The following ARHGAP12 variants were observed in gnomAD, a reference collection of about 807,000 sequenced individuals.
ARHGAP12 encodes the protein Rho GTPase activating protein 12.
A neutral mutation model predicts 108.6 loss-of-function variants in ARHGAP12; 64 were observed. That is an observed-to-expected ratio of 0.59 (90% CI 0.48 to 0.73). The LOEUF is 0.73. ARHGAP12 is among the 30% of genes least tolerant of loss of function. The probability of loss-of-function intolerance (pLI) is 0.00; values close to 1 mark genes in which losing one functional copy is unlikely to be tolerated. For missense variants in ARHGAP12, 940 were observed against 1,005.9 expected, an observed-to-expected ratio of 0.93 and a Z score of 0.89; for synonymous variants, 312 against 337.2, an observed-to-expected ratio of 0.93 and a Z score of 0.82.
At chr10:31,839,452 AAC>A in intron 8 of ARHGAP12, 133 bp from the exon 9 acceptor site, 1 of 1,109,700 alleles carries the variant, frequency 9.0e-7, no homozygotes, top group Non-Finnish European at 1.2e-6. Context: ...CCATATTTTA[AAC>A]AAAAGGGGGA....
At chr10:31,811,123 T>C (rs1313064532) in intron 15 of ARHGAP12, among the ~76,000 whole-genome samples, 1 of 152,234 alleles carries the variant, frequency 6.6e-6, no homozygotes, top group Non-Finnish European at 1.5e-5. Flanking sequence ...ATTTTATTAC[T>C]GTGTTAGATT....
intron 7 of ARHGAP12, among the ~76,000 whole-genome samples, chr10:31,842,313 C>G (rs1343365771): frequency 6.6e-6 from 1 of 151,934 alleles, no homozygotes. Context: ...TGAATTTTTC[C>G]TATTAGAAAT....
chr10:31,827,127 G>A (rs574034127), intron 10 of ARHGAP12, among the ~76,000 whole-genome samples: 2 of 152,120 alleles, frequency 1.3e-5, no homozygotes, highest in African/African-American at 2.4e-5. Context: ...ACAGAGGTAC[G>A]CCTCACACAG....
chr10:31,877,289 ACT>A (rs1467440515), intron 3 of ARHGAP12, among the ~76,000 whole-genome samples: 3 of 152,238 alleles, frequency 2.0e-5, no homozygotes, highest in Non-Finnish European at 4.4e-5. Context: ...CAGTCTTCAT[ACT>A]CTGTTTTAGT....
chr10:31,839,562 TAA>T (rs1836170325), intron 8 of ARHGAP12, 73 bp downstream of exon 8: 6 of 1,344,652 alleles, frequency 4.5e-6, no homozygotes, highest in African/African-American at 1.5e-5. Context: ...AACATTACAT[TAA>T]GAGTAAATTA....
At chr10:31,809,484 G>T in intron 16 of ARHGAP12, 177 bp from the exon 17 acceptor site, 2 of 588,194 alleles carry the variant, frequency 3.4e-6, no homozygotes, top group South Asian at 2.0e-5. Flanking sequence ...GAGAGATGGA[G>T]ATTCGCTCTG....
intron 11 of ARHGAP12, among the ~76,000 whole-genome samples, chr10:31,823,945 A>G (rs1835505409): frequency 6.6e-6 from 1 of 152,202 alleles, no homozygotes. Flanking sequence ...TTGGTGACTG[A>G]GCAGATCAAC....
chr10:31,832,173 C>T (rs1338537466), intron 9 of ARHGAP12, among the ~76,000 whole-genome samples: 1 of 152,146 alleles, frequency 6.6e-6, no homozygotes, highest in African/African-American at 2.4e-5. Flanking sequence ...ATTTACTTTG[C>T]TGTTATTTTA....
In ARHGAP12 at chr10:31,817,768, T is replaced by C. The variant is rs1835260751; in HGVS notation, c.1731+20A>G. On this transcript the variant is annotated intron_variant, in intron 13 of 19. Coordinates refer to ENST00000344936, the MANE Select transcript of ARHGAP12 (RefSeq NM_018287.7). ...AAAAACAGCTCTGAAGTAAAAATTT[T>C]ACCTAAGTCAACGACATACCTGATT... The C allele has an allele frequency of 6.6e-7, 1 of 1,517,222 alleles. No individual in the cohort carries two copies. The highest frequency in any genetic ancestry group is 1.4e-5 in the African/African-American group (1 of 69,730). The allele number at this position is 1,517,222 out of a possible 1,614,324, so 94.0% of individuals were successfully genotyped here. A position where few individuals can be genotyped will look rare whatever the true frequency, so the allele number is the denominator to read the frequency against.
chr10:31,867,126 T>G (rs1486924403), intron 3 of ARHGAP12, among the ~76,000 whole-genome samples: 1 of 151,446 alleles, frequency 6.6e-6, no homozygotes, highest in Non-Finnish European at 1.5e-5. Flanking sequence ...TTGTTTTTTT[T>G]TTTTTTGAGA....
intron 3 of ARHGAP12, among the ~76,000 whole-genome samples, chr10:31,862,883 T>C (rs1461521072): frequency 6.6e-6 from 1 of 152,218 alleles, no homozygotes; most frequent in African/African-American, 2.4e-5. Context: ...CAATTACTTC[T>C]GAAATGTAAC....
At chr10:31,901,628 G>C (rs1029906215) in intron 3 of ARHGAP12, among the ~76,000 whole-genome samples, 1 of 150,116 alleles carries the variant, frequency 6.7e-6, no homozygotes, top group African/African-American at 2.5e-5. Flanking sequence ...AAAATGTGTA[G>C]AATCTGTAAA....
intron 1 of ARHGAP12, among the ~76,000 whole-genome samples, chr10:31,923,803 T>C (rs10443960): frequency 2.6e-3 from 391 of 152,254 alleles, no homozygotes; most frequent in African/African-American, 8.7e-3. Context: ...ATGAATCACA[T>C]AGGAGCTCAA....
chr10:31,920,449 C>CAAAAAAAAAAAAAAAAAAAAAAAAA (rs71027040), intron 1 of ARHGAP12, among the ~76,000 whole-genome samples: 12 of 59,602 alleles, frequency 2.0e-4, no homozygotes, highest in Non-Finnish European at 2.4e-4. Context: ...GACTCCGTCT[C>CAAAAAAAAAAAAAAAAAAAAAAAAA]AAAAAAAAAA....
chr10:31,839,804 AAC>A (rs1836191037), intron 7 of ARHGAP12, 93 bp from the exon 8 acceptor site: 2 of 1,000,198 alleles, frequency 2.0e-6, no homozygotes, highest in African/African-American at 3.3e-5. Context: ...AAGAGAGAAT[AAC>A]AAATTTTTTC....
intron 9 of ARHGAP12, among the ~76,000 whole-genome samples, chr10:31,837,101 T>C (rs1219343601): frequency 6.6e-6 from 1 of 152,224 alleles, no homozygotes; most frequent in African/African-American, 2.4e-5. Flanking sequence ...TGTAACTGCA[T>C]GTGCAACATT....
At chr10:31,826,234 C>G in intron 11 of ARHGAP12, 70 bp downstream of exon 11, 2 of 1,257,444 alleles carry the variant, frequency 1.6e-6, no homozygotes, top group South Asian at 2.9e-5. Context: ...AAATTACCTC[C>G]TGAAATTCAG....
At chr10:31,907,526 G>T (rs541119576) in intron 3 of ARHGAP12, among the ~76,000 whole-genome samples, 217 of 151,602 alleles carry the variant, frequency 1.4e-3, no homozygotes, top group Non-Finnish European at 2.7e-3. Flanking sequence ...ACCAGCTACT[G>T]GGGAAGCTGA....
At chr10:31,869,703 T>C (rs1161340623) in intron 3 of ARHGAP12, among the ~76,000 whole-genome samples, 1 of 152,248 alleles carries the variant, frequency 6.6e-6, no homozygotes, top group Non-Finnish European at 1.5e-5. Context: ...TGTTCTACTT[T>C]ATCTATAGAT....
Sources: gnomAD v4.1 joint callset for allele counts (sites outside exome capture counted in the v4.1 genomes callset) on GRCh38, gnomAD v4.1.1 for gene constraint, MANE v1.5 for transcripts, NCBI Gene and HGNC (gene_info 2026-07-23, HGNC 2026-07-21) for gene names.